Variants in ATRX observed in about 807,000 individuals in gnomAD.
ATRX encodes the protein chromatin remodeler ATRX.
Under a neutral mutation model 172.6 loss-of-function variants are expected in ATRX, and 12 were observed. That is an observed-to-expected ratio of 0.07 (90% CI 0.04 to 0.11). The LOEUF is 0.11. ATRX is among the 10% of genes least tolerant of loss of function. The pLI is 1.00. For missense variants in ATRX, 1,368 were observed against 1,767.4 expected (o/e 0.77, Z 4.05); for synonymous variants, 674 against 594.7 (o/e 1.13, Z -1.94).
chrX:77,630,900 A>G (rs1391834997), intron 19 of ATRX, among the ~76,000 whole-genome samples: 3 of 111,980 alleles, frequency 2.7e-5, no homozygotes, highest in Non-Finnish European at 5.6e-5. Context: ...TCAAAATTTT[A>G]AAGATTAGTA....
chrX:77,629,441 C>T (rs1557104672), intron 19 of ATRX, among the ~76,000 whole-genome samples: 2 of 111,973 alleles, frequency 1.8e-5, no homozygotes, highest in South Asian at 3.7e-4. Context: ...AACTTAACAA[C>T]AGTTTTAATA....
rs782238045 is a variant in ATRX, at chrX:77,682,484, A to G, written c.2772T>C (p.Leu924=). The G allele has an allele frequency of 8.3e-7, 1 of 1,211,401 alleles. No homozygotes were observed. Residue 924 remains leucine, a synonymous_variant, in exon 9 of 35, where the codon CTT becomes CTC. Transcript: ENST00000373344. ...ASASTDGVDK[L]SGKEESFTSL... is the part of the protein sequence containing the mutation. Reference sequence around the variant, plus strand: ...AAGTAAAACTCTCCTCTTTCCCAGAAAGCTTATCGACACCATCAGTGGAAG... The same window carrying G: ...AAGTAAAACTCTCCTCTTTCCCAGAGAGCTTATCGACACCATCAGTGGAAG...
At position 77,524,747 on chromosome X, in the gene ATRX, CTTT is replaced by C. The variant is rs781866146; in HGVS notation, c.6700-1349_6700-1347del. Among the ~76,000 whole-genome samples, 4 of 95,269 alleles carry C rather than the reference CTTT, an allele frequency of 4.2e-5. No individual in the cohort carries two copies. In the South Asian group the frequency reaches 1.4e-3, roughly 34 times the overall value. The allele number at this position is 95,269 out of a possible 115,157, so 82.7% of individuals were successfully genotyped here. ...CAACCATAATAGAGACTTTATAATTCTTTTTTTTTTTTTTTTAAGATAGGGTCC... is the reference window on the plus strand; with the variant it reads ...CAACCATAATAGAGACTTTATAATTCTTTTTTTTTTTTTAAGATAGGGTCC... On this transcript the variant is annotated intron_variant, in intron 30 of 34. Transcript: ENST00000373344.
chrX:77,688,112 T>C (rs1257060531), intron 7 of ATRX, among the ~76,000 whole-genome samples: 4 of 110,459 alleles, frequency 3.6e-5, no homozygotes, highest in African/African-American at 1.3e-4. Context: ...TAATTTTTTG[T>C]ATTTTTAGTA....
intron 11 of ATRX, among the ~76,000 whole-genome samples, chrX:77,664,407 G>A (rs1271530423): frequency 3.6e-5 from 4 of 109,998 alleles, no homozygotes; most frequent in African/African-American, 1.3e-4. Flanking sequence ...CTACAGGCAC[G>A]CACTATCACG....
intron 30 of ATRX, among the ~76,000 whole-genome samples, chrX:77,554,366 T>C (rs2064688502): frequency 9.0e-6 from 1 of 111,530 alleles, no homozygotes; most frequent in Admixed American, 9.5e-5. Flanking sequence ...ATCAGTTGAG[T>C]TCTACCATTT....
At position 77,593,821 on chromosome X, in the gene ATRX, G is replaced by A. The variant is rs2148116373; in HGVS notation, c.5985C>T (p.Ser1995=). ...CTTTGTACCAGTCTGGAGCTGGGCT[G>A]CTTGGATTAGAAGAAGAAGTAGCTT... is the stretch of plus-strand genomic sequence containing the variant. ...ESKATSSSNP[S]SPAPDWYKDF... Residue 1995 remains serine (S), a synonymous_variant, in exon 26 of 35, where the codon AGC becomes AGT. Coordinates refer to ENST00000373344, the MANE Select transcript of ATRX (RefSeq NM_000489.6). 8.3e-7 allele frequency: 1 copy of A among 1,209,771 alleles called. No homozygotes were observed. The highest frequency in any genetic ancestry group is 1.1e-6 in the Non-Finnish European group (1 of 894,067).
At chrX:77,763,433 C>T (rs1402447287) in intron 1 of ATRX, among the ~76,000 whole-genome samples, 57 of 102,308 alleles carry the variant, frequency 5.6e-4, no homozygotes, top group East Asian at 4.0e-3. Context: ...CGTGAGCCAC[C>T]GGGCCCAACC....
chrX:77,683,054 C>A lies in ATRX; in HGVS notation c.2202G>T (p.Met734Ile). The A allele has an allele frequency of 3.3e-6, 4 of 1,210,481 alleles. No individual in the cohort carries two copies. Among genetic ancestry groups the A allele is most frequent in the Middle Eastern group, 4.6e-4 (2 of 4,347 alleles). Residue 734 changes from methionine (M) to isoleucine (I), a missense_variant, in exon 9 of 35, where the codon ATG (methionine) becomes ATT (isoleucine). Physicochemically the swap from Met to Ile is conservative, Grantham distance 10. Coordinates refer to ENST00000373344, the MANE Select transcript of ATRX (RefSeq NM_000489.6). The stretch of plus-strand genomic sequence containing the variant: ...TGCTCACCTCTTTGAGGATTGCTAG[C>A]ATTTCATCAGAATCTGAATTTTGAT... ...TVDQNSDSDE[M>I]LAILKEVSRM...
At chrX:77,705,228 C>T (rs1557156314) in intron 2 of ATRX, among the ~76,000 whole-genome samples, 1 of 111,685 alleles carries the variant, frequency 9.0e-6, no homozygotes, top group Non-Finnish European at 1.9e-5. Context: ...GGGACTGCAG[C>T]CACGGTTTGG....
chrX:77,765,398 C>G (rs2075873108), intron 1 of ATRX, among the ~76,000 whole-genome samples: 1 of 111,925 alleles, frequency 8.9e-6, no homozygotes, highest in Non-Finnish European at 1.9e-5. Context: ...GTGGCATTGA[C>G]AGAAAAACAT....
chrX:77,707,069 C>T (rs1478845708), intron 2 of ATRX, among the ~76,000 whole-genome samples: 1 of 112,546 alleles, frequency 8.9e-6, no homozygotes, highest in Non-Finnish European at 1.9e-5. Flanking sequence ...AGATATACTA[C>T]AACATGGATA....
chrX:77,725,794 C>T (rs2074005221), intron 1 of ATRX, among the ~76,000 whole-genome samples: 1 of 111,854 alleles, frequency 8.9e-6, no homozygotes, highest in African/African-American at 3.3e-5. Context: ...TCAAACAACC[C>T]CATCAAAAAG....
intron 30 of ATRX, among the ~76,000 whole-genome samples, chrX:77,530,999 T>C (rs782406836): frequency 3.1e-4 from 35 of 112,048 alleles, no homozygotes; most frequent in Admixed American, 4.7e-4. Flanking sequence ...GAGAATAATA[T>C]AAATACCTCT....
chrX:77,612,144 A>C (rs1651119277), intron 22 of ATRX, among the ~76,000 whole-genome samples: 1 of 110,606 alleles, frequency 9.0e-6, no homozygotes, highest in African/African-American at 3.3e-5. Flanking sequence ...CCAAAGAAAA[A>C]AATTTGGAGC....
intron 19 of ATRX, among the ~76,000 whole-genome samples, chrX:77,628,788 T>G (rs1008658073): frequency 2.7e-5 from 3 of 111,341 alleles, no homozygotes; most frequent in African/African-American, 6.5e-5. Flanking sequence ...TTTTATTTTT[T>G]TGTAGATATG....
intron 6 of ATRX, among the ~76,000 whole-genome samples, chrX:77,692,061 G>A (rs1279255020): frequency 2.7e-5 from 3 of 111,517 alleles, no homozygotes; most frequent in East Asian, 5.6e-4. Context: ...GAATACCCTC[G>A]TCAACAACAG....
chrX:77,763,326 G>C (rs1180467390), intron 1 of ATRX, among the ~76,000 whole-genome samples: 1 of 108,938 alleles, frequency 9.2e-6, no homozygotes, highest in African/African-American at 3.3e-5. Flanking sequence ...TGTGTTTTTA[G>C]TAGAAACAAG....
intron 1 of ATRX, among the ~76,000 whole-genome samples, chrX:77,749,541 C>A (rs1207058519): frequency 9.0e-6 from 1 of 111,681 alleles, no homozygotes; most frequent in Non-Finnish European, 1.9e-5. Context: ...AAGCTTATTT[C>A]CCTAATCAAT....
Sources: allele counts gnomAD v4.1 joint callset (sites outside exome capture counted in the v4.1 genomes callset), GRCh38; gene constraint gnomAD v4.1.1; transcripts MANE v1.5; gene names NCBI Gene and HGNC (gene_info 2026-07-23, HGNC 2026-07-21).